The following NR2F2 variants were observed in gnomAD, a reference collection of about 807,000 sequenced individuals.
NR2F2 encodes the protein COUP transcription factor 2.
NR2F2 carries 2 observed loss-of-function variants against 34.8 expected under a neutral mutation model. That is an observed-to-expected ratio of 0.06 (90% CI 0.02 to 0.18). The LOEUF is 0.18. Ranked by LOEUF, NR2F2 falls within the 10% of genes least tolerant of loss-of-function variation. The pLI, the probability that NR2F2 is intolerant of heterozygous loss-of-function variation, is 1.00. For synonymous variants in NR2F2, 274 were observed against 251.8 expected (o/e 1.09, Z -0.84); for missense variants, 300 against 580.1 (o/e 0.52, Z 4.96).
Position 96,332,211 on chromosome 15 carries a change from G to C in NR2F2, c.106G>C (p.Ala36Pro), listed in dbSNP as rs1191987271. The C allele has an allele frequency of 7.1e-7, 1 of 1,400,736 alleles. No individual in the cohort carries two copies. Among genetic ancestry groups the C allele is most frequent in the Admixed American group, 2.9e-5 (1 of 34,322 alleles). The allele number at this position is 1,400,736 out of a possible 1,614,324, so 86.8% of individuals were successfully genotyped here. The change falls in exon 1 of 3, where the codon GCC becomes CCC. Residue 36 changes from alanine to proline, a missense_variant. Ala to Pro is a conservative substitution (Grantham distance 27). This residue lies in a region of NR2F2 where 105 missense variants were observed against 107.8 expected (regional missense o/e 0.97). Coordinates refer to ENST00000394166, the MANE Select transcript of NR2F2 (RefSeq NM_021005.4). ...APPVPGPPPG[A>P]PHTPQTPGQG... Reference sequence around the variant, plus strand: ...GCCCGTGCCCGGCCCGCCGCCCGGCGCCCCGCACACGCCACAGACGCCCGG... The same window carrying C: ...GCCCGTGCCCGGCCCGCCGCCCGGCCCCCCGCACACGCCACAGACGCCCGG...
chr15:96,332,113 T>C lies in NR2F2; in HGVS notation c.8T>C (p.Met3Thr). MA[M>T]VVSTWRDPQD... ...GACGCAGCCCCCATAGATATGGCAA[T>C]GGTAGTCAGCACGTGGCGCGACCCC... is the stretch of plus-strand genomic sequence containing the variant. The change falls in exon 1 of 3, where the codon ATG becomes ACG. Residue 3 changes from methionine (M) to threonine (T), a missense_variant. Around this residue, in one of 6 missense-constraint regions of NR2F2, gnomAD observed 105 missense variants for 107.8 expected, o/e 0.97. Transcript: ENST00000394166. 1 of 1,338,210 alleles carries C rather than the reference T, an allele frequency of 7.5e-7. No individual in the cohort carries two copies. Among genetic ancestry groups the C allele is most frequent in the Non-Finnish European group, 9.6e-7 (1 of 1,044,504 alleles). The allele number at this position is 1,338,210 out of a possible 1,614,324, so 82.9% of individuals were successfully genotyped here. A position where few individuals can be genotyped will look rare whatever the true frequency, so the allele number is the denominator to read the frequency against.
rs1842946716 is a variant in NR2F2, at chr15:96,331,117, C to T, written c.-989C>T. The T allele has an allele frequency of 1.1e-5, 13 of 1,181,756 alleles. No individual in the cohort carries two copies. The highest frequency in any genetic ancestry group is 6.4e-5 in the African/African-American group (4 of 62,242). The allele number at this position is 1,181,756 out of a possible 1,614,324, so 73.2% of individuals were successfully genotyped here. A position where few individuals can be genotyped will look rare whatever the true frequency, so the allele number is the denominator to read the frequency against. Reference sequence around the variant, plus strand: ...GCAGCAGCGACTTCAGCGGCGGCGGCGGCGCTAGACGCAGCGGCTCCGGGC... The same window carrying T: ...GCAGCAGCGACTTCAGCGGCGGCGGTGGCGCTAGACGCAGCGGCTCCGGGC... On this transcript the variant is annotated 5_prime_UTR_variant, in exon 1 of 3. Transcript: ENST00000394166.
chr15:96,332,285 GGGCGGCCCT>G lies in NR2F2; in HGVS notation c.189_197del (p.Gly65_Gly67del). Reference sequence around the variant, plus strand: ...CAGCCCAGACGGCGGCCGGTGGCCAGGGCGGCCCTGGCGGCCCGGGTAGCGACAAGCAGC... The same window carrying G: ...CAGCCCAGACGGCGGCCGGTGGCCAGGGCGGCCCGGGTAGCGACAAGCAGC... On this transcript the variant is annotated inframe_deletion, in exon 1 of 3. Coordinates refer to ENST00000394166, the MANE Select transcript of NR2F2 (RefSeq NM_021005.4). 1 of 1,562,024 alleles carries G rather than the reference GGGCGGCCCT, an allele frequency of 6.4e-7. No individual in the cohort carries two copies. Among genetic ancestry groups the G allele is most frequent in the African/African-American group, 1.4e-5 (1 of 73,636 alleles).
chr15:96,326,358 TTTAC>T (rs1211567241), upstream of NR2F2: 1 of 1,611,622 alleles, frequency 6.2e-7, no homozygotes, highest in East Asian at 2.2e-5. The surrounding 1 kb of genome is among the most constrained non-coding windows in gnomAD (Gnocchi z 5.5). Context: ...TTTTGGTATG[TTTAC>T]TTACAGTATT....
intron 2 of NR2F2, 42 bp from the exon 3 acceptor site, chr15:96,337,305 CT>C (rs756140438): frequency 2.0e-6 from 3 of 1,489,986 alleles, no homozygotes; most frequent in Non-Finnish European, 2.7e-6. Flanking sequence ...TCTTCTTCTT[CT>C]TTTTCTTCTT....
In NR2F2 at chr15:96,337,650, A is replaced by AC. The variant is rs765895124; in HGVS notation, c.*29dup. 1.3e-6 allele frequency: 2 copies of AC among 1,597,732 alleles called. No individual in the cohort carries two copies. Among genetic ancestry groups the AC allele is most frequent in the East Asian group, 4.5e-5 (2 of 44,716 alleles). The stretch of plus-strand genomic sequence containing the variant: ...AAATAAAATAAGAAGGGGGAGTGAA[A>AC]CAGAGAAAGAAAAGGCAAAAGACTG... On this transcript the variant is annotated 3_prime_UTR_variant, in exon 3 of 3. Transcript: ENST00000394166.
At chr15:96,333,527 GACGCCAGACCT>G (rs966788852) in intron 1 of NR2F2, 1 of 1,007,250 alleles carries the variant, frequency 9.9e-7, no homozygotes, top group African/African-American at 1.7e-5. Context: ...TGATTAGACA[GACGCCAGACCT>G]CCGCTCTCTG....
In NR2F2 at chr15:96,331,243, G is replaced by A. The variant is rs908812803; in HGVS notation, c.-863G>A. On this transcript the variant is annotated 5_prime_UTR_variant, in exon 1 of 3. Coordinates refer to ENST00000394166, the MANE Select transcript of NR2F2 (RefSeq NM_021005.4). ...CCACCCAGCGACTGCGGGCGGCGGC[G>A]GCCGGAGAGAGCGAGGCGCGCGCCG... The A allele has an allele frequency of 3.0e-6, 3 of 986,256 alleles. No homozygotes were observed. Among genetic ancestry groups the A allele is most frequent in the Non-Finnish European group, 3.6e-6 (3 of 831,852 alleles). 61.1% of individuals were successfully genotyped at this position (986,256 alleles called of 1,614,324 possible). A position where few individuals can be genotyped will look rare whatever the true frequency, so the allele number is the denominator to read the frequency against.
At chr15:96,337,277 C>G in intron 2 of NR2F2, 71 bp from the exon 3 acceptor site, 1 of 1,520,658 alleles carries the variant, frequency 6.6e-7, no homozygotes, top group South Asian at 1.2e-5. Context: ...AATCTGATGA[C>G]TGAATTCTTC....
chr15:96,333,143 T>TA (rs2141167778), intron 1 of NR2F2: 1 of 172,444 alleles, frequency 5.8e-6, no homozygotes, highest in African/African-American at 2.4e-5. Context: ...GAGAGCGCGA[T>TA]AGGAAGTAGG....
chr15:96,332,172 G>T lies in NR2F2; in HGVS notation c.67G>T (p.Ala23Ser). ...DEVPGSQGSQ[A>S]SQAPPVPGPP... is the part of the protein sequence containing the mutation. Reference sequence around the variant, plus strand: ...GGTGCCCGGCTCACAGGGCAGCCAGGCCTCGCAGGCGCCGCCCGTGCCCGG... The same window carrying T: ...GGTGCCCGGCTCACAGGGCAGCCAGTCCTCGCAGGCGCCGCCCGTGCCCGG... The change falls in exon 1 of 3, where the codon GCC becomes TCC. Residue 23 changes from alanine to serine, a missense_variant. By Grantham distance (99) the Ala-to-Ser change is moderately conservative. Transcript: ENST00000394166. The T allele has an allele frequency of 1.5e-6, 2 of 1,337,480 alleles. No homozygotes were observed. The highest frequency in any genetic ancestry group is 9.6e-7 in the Non-Finnish European group (1 of 1,046,000). The allele number at this position is 1,337,480 out of a possible 1,614,324, so 82.9% of individuals were successfully genotyped here. A position where few individuals can be genotyped will look rare whatever the true frequency, so the allele number is the denominator to read the frequency against.
chr15:96,331,672 G>A lies in NR2F2; in HGVS notation c.-434G>A. The stretch of plus-strand genomic sequence containing the variant: ...AGAGAGGGAGGGAGAGAGTGAGAGC[G>A]AGCGAGATCTTTGGAGAGATTTTTT... On this transcript the variant is annotated 5_prime_UTR_variant, in exon 1 of 3. Transcript: ENST00000394166. 1.8e-6 allele frequency: 2 copies of A among 1,115,806 alleles called. No homozygotes were observed. The highest frequency in any genetic ancestry group is 4.6e-5 in the South Asian group (1 of 21,536). The allele number at this position is 1,115,806 out of a possible 1,614,324, so 69.1% of individuals were successfully genotyped here. A position where few individuals can be genotyped will look rare whatever the true frequency, so the allele number is the denominator to read the frequency against.
At position 96,339,625 on chromosome 15, in the gene NR2F2, A is replaced by T. The variant is rs1219625846; in HGVS notation, c.*2003A>T. On this transcript the variant is annotated 3_prime_UTR_variant, in exon 3 of 3. Coordinates refer to ENST00000394166, the MANE Select transcript of NR2F2 (RefSeq NM_021005.4). The stretch of plus-strand genomic sequence containing the variant: ...GTCCTTAGAAGCCAAATTAAGGAAG[A>T]GAAAGCAGGACAGAGAAAAAGAAAG... 6.6e-6 allele frequency: 1 copy of T among 152,182 alleles called. No individual in the cohort carries two copies. Among genetic ancestry groups the T allele is most frequent in the Non-Finnish European group, 1.5e-5 (1 of 68,054 alleles). 9.4% of individuals were successfully genotyped at this position (152,182 alleles called of 1,614,324 possible).
chr15:96,326,800 TCGCTTTGCCTCTG>T (rs1457904290), upstream of NR2F2, among the ~76,000 whole-genome samples: 3 of 152,178 alleles, frequency 2.0e-5, no homozygotes, highest in South Asian at 2.1e-4. The surrounding 1 kb of genome is among the most constrained non-coding windows in gnomAD (Gnocchi z 5.5). Flanking sequence ...AATTTACTGT[TCGCTTTGCCTCTG>T]CGCTTCATTT....
intron 1 of NR2F2, chr15:96,333,583 G>GCATGCTTCGCCCATGTCC: frequency 9.9e-7 from 1 of 1,011,898 alleles, no homozygotes; most frequent in Admixed American, 5.1e-5. Flanking sequence ...CCGCCGGGCT[G>GCATGCTTCGCCCATGTCC]GGGCTGGGGC....
intron 2 of NR2F2, among the ~76,000 whole-genome samples, chr15:96,334,912 C>T (rs2141169885): frequency 6.6e-6 from 1 of 152,366 alleles, no homozygotes; most frequent in South Asian, 2.1e-4. Flanking sequence ...GCTCCCTTTC[C>T]TGAGCCCAGG....
At chr15:96,336,555 G>A (rs1208816909) in intron 2 of NR2F2, among the ~76,000 whole-genome samples, 1 of 151,942 alleles carries the variant, frequency 6.6e-6, no homozygotes, top group African/African-American at 2.4e-5. Flanking sequence ...TTACCAAGAA[G>A]CTTCTCATTT....
Position 96,330,992 on chromosome 15 carries a change from T to A in NR2F2, c.-1114T>A. On this transcript the variant is annotated 5_prime_UTR_variant, in exon 1 of 3. Transcript: ENST00000394166. ...GTGATCTGCCCTCCTCTCTCTCTTTTATCATTTCTCCCCCGCCGCCGGCGA... is the reference window on the plus strand; with the variant it reads ...GTGATCTGCCCTCCTCTCTCTCTTTAATCATTTCTCCCCCGCCGCCGGCGA... 1.7e-6 allele frequency: 2 copies of A among 1,208,632 alleles called. No individual in the cohort carries two copies. The highest frequency in any genetic ancestry group is 8.3e-5 in the South Asian group (2 of 24,110). The allele number at this position is 1,208,632 out of a possible 1,614,324, so 74.9% of individuals were successfully genotyped here.
upstream of NR2F2, among the ~76,000 whole-genome samples, chr15:96,327,547 G>A (rs774207907): frequency 7.2e-5 from 11 of 152,166 alleles, no homozygotes; most frequent in Non-Finnish European, 1.6e-4. Flanking sequence ...AGTACCACAA[G>A]CCAGTGGTTA....
Sources: allele counts gnomAD v4.1 joint callset (sites outside exome capture counted in the v4.1 genomes callset), GRCh38; gene constraint gnomAD v4.1.1; regional missense constraint gnomAD v4.1.1; non-coding constraint Gnocchi (gnomAD v3.1); transcripts MANE v1.5; gene names NCBI Gene and HGNC (gene_info 2026-07-23, HGNC 2026-07-21).